Variants in GNB4 observed in about 807,000 individuals in gnomAD.
The protein encoded by GNB4 is guanine nucleotide-binding protein subunit beta-4.
A neutral mutation model predicts 45.2 loss-of-function variants in GNB4; 28 were observed. The observed-to-expected ratio is 0.62, with a 90% CI of 0.46 to 0.85. GNB4 has a LOEUF of 0.85. Ranked by LOEUF, GNB4 falls within the 40% of genes least tolerant of loss-of-function variation. The pLI, the probability that GNB4 is intolerant of heterozygous loss-of-function variation, is 0.00. For synonymous variants in GNB4, 132 were observed against 143.7 expected (o/e 0.92, Z 0.58); for missense variants, 321 against 425.4 (o/e 0.75, Z 2.16).
chr3:179,479,910 T>C, the GNB4 span, among the ~76,000 whole-genome samples: 688 of 152,332 alleles, frequency 4.5e-3, 6 homozygotes, highest in African/African-American at 0.016. Context: ...TGAATGTATT[T>C]CCCAAAAGTT....
intron 1 of GNB4, among the ~76,000 whole-genome samples, chr3:179,440,093 T>A (rs903374918): frequency 6.6e-5 from 10 of 152,180 alleles, no homozygotes; most frequent in Non-Finnish European, 1.3e-4. Flanking sequence ...TTCTCAACAC[T>A]CCCAACTTAA....
intron 1 of GNB4, among the ~76,000 whole-genome samples, chr3:179,428,047 C>T (rs1206045251): frequency 6.6e-6 from 1 of 152,166 alleles, no homozygotes; most frequent in Non-Finnish European, 1.5e-5. Context: ...GTTTTGATGT[C>T]TATGCTACAA....
At chr3:179,404,090 A>G (rs1442981068) in intron 9 of GNB4, among the ~76,000 whole-genome samples, 2 of 152,222 alleles carry the variant, frequency 1.3e-5, no homozygotes, top group Non-Finnish European at 2.9e-5. Flanking sequence ...GTGAAGATTC[A>G]TTAGTGAGAA....
chr3:179,437,007 A>G (rs565695681), intron 1 of GNB4, among the ~76,000 whole-genome samples: 2 of 152,328 alleles, frequency 1.3e-5, no homozygotes, highest in Admixed American at 6.5e-5. Context: ...TGAATGTGCC[A>G]GGAACTGGGG....
At chr3:179,481,041 C>T in the GNB4 span, among the ~76,000 whole-genome samples, 8 of 151,798 alleles carry the variant, frequency 5.3e-5, no homozygotes, top group Non-Finnish European at 7.4e-5. Context: ...TTAGTAGAGA[C>T]GGGGTTTCAC....
At chr3:179,411,538 A>T (rs1481777203) in intron 8 of GNB4, among the ~76,000 whole-genome samples, 3 of 152,088 alleles carry the variant, frequency 2.0e-5, no homozygotes, top group Non-Finnish European at 4.4e-5. Context: ...CCACACGAAC[A>T]TCTCAACAGA....
chr3:179,397,364 T>C lies in GNB4; in HGVS notation c.*3849A>G, dbSNP rs1449095227. 2 of 152,194 alleles carry C rather than the reference T, an allele frequency of 1.3e-5. No individual in the cohort carries two copies. The highest frequency in any genetic ancestry group is 4.8e-5 in the African/African-American group (2 of 41,460). 9.4% of individuals were successfully genotyped at this position (152,194 alleles called of 1,614,324 possible). On this transcript the variant is annotated 3_prime_UTR_variant, in exon 10 of 10. Transcript: ENST00000232564. ...ATATTGGCACAGCATTTTTAAGCAA[T>C]AATAAAAGTTTCATTTTGTCACCTT... is the stretch of plus-strand genomic sequence containing the variant.
intron 6 of GNB4, 40 bp from the exon 7 acceptor site, chr3:179,413,821 T>C (rs1228603458): frequency 4.2e-6 from 6 of 1,421,810 alleles, no homozygotes; most frequent in East Asian, 2.3e-5. Flanking sequence ...TTATCACTGA[T>C]TGAATAACTC....
intron 1 of GNB4, among the ~76,000 whole-genome samples, chr3:179,447,475 T>C (rs891575251): frequency 6.6e-6 from 1 of 151,998 alleles, no homozygotes; most frequent in Non-Finnish European, 1.5e-5. Flanking sequence ...CAGACTCCCA[T>C]GTAGCTGAGA....
At chr3:179,495,723 ACT>A in the GNB4 span, among the ~76,000 whole-genome samples, 1 of 151,620 alleles carries the variant, frequency 6.6e-6, no homozygotes, top group Non-Finnish European at 1.5e-5. Flanking sequence ...GAGAAAAGTG[ACT>A]CTTTAAATAC....
At chr3:179,479,321 ATCT>A in the GNB4 span, among the ~76,000 whole-genome samples, 1 of 152,166 alleles carries the variant, frequency 6.6e-6, no homozygotes, top group Non-Finnish European at 1.5e-5. Context: ...AGTTGAAATA[ATCT>A]TCTCCCAACA....
chr3:179,465,791 A>AG, the GNB4 span, among the ~76,000 whole-genome samples: 3 of 119,450 alleles, frequency 2.5e-5, no homozygotes, highest in East Asian at 1.0e-3. Flanking sequence ...TAAATAGATA[A>AG]TTTTTTTCTT....
intron 1 of GNB4, among the ~76,000 whole-genome samples, chr3:179,440,876 T>TAGAGAGAGAGAGAGAGAGAG (rs1358506608): frequency 1.5e-4 from 17 of 110,698 alleles, no homozygotes; most frequent in African/African-American, 6.5e-4. Flanking sequence ...TATATATAGA[T>TAGAGAGAGAGAGAGAGAGAG]AGATAGAGAG....
the GNB4 span, among the ~76,000 whole-genome samples, chr3:179,519,405 T>C: frequency 3.9e-5 from 6 of 152,202 alleles, no homozygotes; most frequent in East Asian, 5.8e-4. Context: ...ACTCTCACAG[T>C]GGAGGGTAAG....
intron 6 of GNB4, 138 bp downstream of exon 6, chr3:179,414,747 C>G: frequency 1.8e-6 from 1 of 568,034 alleles, no homozygotes; most frequent in East Asian, 3.0e-5. Flanking sequence ...TTAATGTTTC[C>G]TTTGTTCATA....
At chr3:179,486,545 C>T in the GNB4 span, among the ~76,000 whole-genome samples, 323 of 152,230 alleles carry the variant, frequency 2.1e-3, no homozygotes, top group Middle Eastern at 6.8e-3. Flanking sequence ...ACAAGAATAT[C>T]CCTGACATCT....
the GNB4 span, among the ~76,000 whole-genome samples, chr3:179,508,767 T>C: frequency 6.6e-6 from 1 of 152,066 alleles, no homozygotes; most frequent in African/African-American, 2.4e-5. Context: ...CAATGGAATA[T>C]ATTCTAAGGA....
At chr3:179,513,242 A>G in the GNB4 span, among the ~76,000 whole-genome samples, 4,623 of 131,256 alleles carry the variant, frequency 0.035, 213 homozygotes, top group African/African-American at 0.12. Context: ...CCAGGCTGGT[A>G]GTGTGATCAC....
intron 8 of GNB4, among the ~76,000 whole-genome samples, chr3:179,411,567 C>T (rs536475590): frequency 3.3e-5 from 5 of 150,466 alleles, no homozygotes; most frequent in Non-Finnish European, 7.4e-5. Context: ...AAGTATTTGA[C>T]AAAAATTCAA....
Sources: allele counts gnomAD v4.1 joint callset (sites outside exome capture counted in the v4.1 genomes callset), GRCh38; gene constraint gnomAD v4.1.1; transcripts MANE v1.5; gene names NCBI Gene and HGNC (gene_info 2026-07-23, HGNC 2026-07-21).